ALCAM: variants seen among roughly 807,000 people sequenced by gnomAD.
ALCAM encodes the protein activated leukocyte cell adhesion molecule.
ALCAM carries 30 observed loss-of-function variants against 70.9 expected under a neutral mutation model. That is an observed-to-expected ratio of 0.42 (90% CI 0.32 to 0.57). The LOEUF (loss-of-function observed/expected upper bound fraction) is 0.57. Ranked by LOEUF, ALCAM falls within the 20% of genes least tolerant of loss-of-function variation. ALCAM has a pLI of 0.11. For synonymous variants in ALCAM, 249 were observed against 242.5 expected, an observed-to-expected ratio of 1.03 and a Z score of -0.25; for missense variants, 591 against 695.1, an observed-to-expected ratio of 0.85 and a Z score of 1.68.
chr3:105,538,010 C>T lies in ALCAM; in HGVS notation c.731-1965C>T, dbSNP rs977630175. Among the ~76,000 whole-genome samples the T allele has an allele frequency of 2.6e-5, 4 of 152,028 alleles. 1 individual carries two copies. The highest frequency in any genetic ancestry group is 2.6e-4 in the Admixed American group (4 of 15,252). ...GACTCTCACTTGAGCTGGGTTCAAG[C>T]CAAATTGTGGATACCAGGCTAAGGA... On this transcript the variant is annotated intron_variant, in intron 6 of 15. Coordinates refer to ENST00000306107, the MANE Select transcript of ALCAM (RefSeq NM_001627.4).
Position 105,411,887 on chromosome 3 carries a change from TA to T in ALCAM, c.73+44408del, listed in dbSNP as rs1936398406. ...CTAGAAAAGAAGTATAACCTAAAAT[TA>T]AGGAGGAGAATATTTTTATTCTAAA... On this transcript the variant is annotated intron_variant, in intron 1 of 15. Coordinates refer to ENST00000306107, the MANE Select transcript of ALCAM (RefSeq NM_001627.4). Among the ~76,000 whole-genome samples, 3 of 151,882 alleles carry T rather than the reference TA, an allele frequency of 2.0e-5. No homozygotes were observed. In the South Asian group the frequency reaches 6.2e-4, roughly 32 times the overall value.
chr3:105,510,074 G>A (rs1334554970), intron 1 of ALCAM, among the ~76,000 whole-genome samples: 1 of 151,970 alleles, frequency 6.6e-6, no homozygotes, highest in African/African-American at 2.4e-5. Flanking sequence ...AAAAGCAGAT[G>A]TCAAAATGGA....
At position 105,524,354 on chromosome 3, in the gene ALCAM, C is replaced by T. The variant is rs775077113; in HGVS notation, c.240C>T (p.Tyr80=). The T allele has an allele frequency of 1.6e-5, 26 of 1,613,976 alleles. No individual in the cohort carries two copies. In the South Asian group the frequency reaches 1.8e-4, roughly 11 times the overall value. The change falls in exon 3 of 16, where the codon TAC becomes TAT. Residue 80 remains tyrosine (Y), a synonymous_variant. Coordinates refer to ENST00000306107, the MANE Select transcript of ALCAM (RefSeq NM_001627.4). ...CCTCTACAAAGAAAAGTGTGCAGTA[C>T]GACGATGTACCAGAATACAAAGACA... ...FRSSTKKSVQ[Y]DDVPEYKDRL... is the part of the protein sequence containing the mutation.
intron 1 of ALCAM, among the ~76,000 whole-genome samples, chr3:105,420,138 G>T (rs1002841931): frequency 1.3e-5 from 2 of 151,682 alleles, no homozygotes; most frequent in South Asian, 2.1e-4. Flanking sequence ...TTTCTAAAAG[G>T]TAGTATTTCA....
At chr3:105,435,799 GT>G (rs914679842) in intron 1 of ALCAM, among the ~76,000 whole-genome samples, 3 of 150,246 alleles carry the variant, frequency 2.0e-5, no homozygotes, top group South Asian at 2.1e-4. Flanking sequence ...TTGTTTGTTT[GT>G]TTTTTTTTGA....
At chr3:105,420,028 G>A (rs1051293657) in intron 1 of ALCAM, among the ~76,000 whole-genome samples, 1 of 151,464 alleles carries the variant, frequency 6.6e-6, no homozygotes, top group African/African-American at 2.4e-5. Context: ...ATATATACAA[G>A]CACAAATAAA....
At chr3:105,432,405 A>G (rs1039729727) in intron 1 of ALCAM, among the ~76,000 whole-genome samples, 1 of 152,142 alleles carries the variant, frequency 6.6e-6, no homozygotes, top group Non-Finnish European at 1.5e-5. Context: ...TGGAAGAAGC[A>G]GTTTCTATTA....
At chr3:105,539,447 T>C (rs1255519500) in intron 6 of ALCAM, among the ~76,000 whole-genome samples, 1 of 152,102 alleles carries the variant, frequency 6.6e-6, no homozygotes, top group Non-Finnish European at 1.5e-5. Context: ...CCTCAGTTCA[T>C]AGGATTCATC....
chr3:105,521,394 T>G (rs866281207), intron 2 of ALCAM, among the ~76,000 whole-genome samples: 1 of 150,264 alleles, frequency 6.7e-6, no homozygotes, highest in South Asian at 2.1e-4. Flanking sequence ...TGTCTGAGGG[T>G]CATAGTTTGA....
At chr3:105,398,175 G>A (rs761038341) in intron 1 of ALCAM, among the ~76,000 whole-genome samples, 52 of 152,228 alleles carry the variant, frequency 3.4e-4, no homozygotes, top group Middle Eastern at 3.4e-3. Context: ...GATGTTGCCA[G>A]TCCTGGGACC....
chr3:105,390,840 A>C lies in ALCAM; in HGVS notation c.73+23359A>C, dbSNP rs917831976. ...CTAGCCAGTTTTCCCAGCACCATTT[A>C]TTAAATAAGGAATCCTTTCCTCATT... On this transcript the variant is annotated intron_variant, in intron 1 of 15. Transcript: ENST00000306107. Among the ~76,000 whole-genome samples, 3 of 152,224 alleles carry C rather than the reference A, an allele frequency of 2.0e-5. No individual in the cohort carries two copies. In the East Asian group the frequency reaches 5.8e-4, roughly 29 times the overall value.
At chr3:105,573,526 A>C (rs543743918) in intron 15 of ALCAM, among the ~76,000 whole-genome samples, 9 of 152,192 alleles carry the variant, frequency 5.9e-5, no homozygotes, top group African/African-American at 9.6e-5. Context: ...ATCTATATGC[A>C]CATATGTAGA....
intron 1 of ALCAM, among the ~76,000 whole-genome samples, chr3:105,444,077 G>A (rs1031406551): frequency 6.6e-6 from 1 of 152,162 alleles, no homozygotes; most frequent in Admixed American, 6.5e-5. Flanking sequence ...CCATCATAGA[G>A]CAAGAAATGC....
intron 1 of ALCAM, among the ~76,000 whole-genome samples, chr3:105,371,547 C>T (rs1461254795): frequency 8.8e-5 from 13 of 147,882 alleles, no homozygotes; most frequent in Admixed American, 3.4e-4. Flanking sequence ...TCTTTTTCTC[C>T]GTCAAATTTT....
intron 14 of ALCAM, among the ~76,000 whole-genome samples, chr3:105,559,110 G>A (rs943187627): frequency 4.7e-5 from 7 of 150,004 alleles, no homozygotes; most frequent in Admixed American, 2.7e-4. Context: ...CACCGATGAG[G>A]AAAATTTAAA....
At chr3:105,560,445 A>C (rs1326655927) in intron 14 of ALCAM, among the ~76,000 whole-genome samples, 1 of 152,164 alleles carries the variant, frequency 6.6e-6, no homozygotes, top group Non-Finnish European at 1.5e-5. Flanking sequence ...ATCCTTTGAC[A>C]TATATAGATA....
intron 1 of ALCAM, among the ~76,000 whole-genome samples, chr3:105,495,359 CT>C (rs1476711531): frequency 6.6e-6 from 1 of 152,032 alleles, no homozygotes; most frequent in Non-Finnish European, 1.5e-5. Flanking sequence ...TTGATAAAAA[CT>C]GCAGTACCAG....
At chr3:105,511,423 ATC>A (rs902028095) in intron 1 of ALCAM, among the ~76,000 whole-genome samples, 3 of 152,040 alleles carry the variant, frequency 2.0e-5, no homozygotes, top group African/African-American at 7.2e-5. Flanking sequence ...CAAACATTCC[ATC>A]TCTCCTTTCT....
intron 1 of ALCAM, among the ~76,000 whole-genome samples, chr3:105,410,442 T>A (rs145976869): frequency 4.2e-4 from 64 of 152,164 alleles, no homozygotes; most frequent in Middle Eastern, 3.4e-3. Flanking sequence ...CATGTACGTG[T>A]GTATGTTTGA....
Sources: gnomAD v4.1 joint callset for allele counts (sites outside exome capture counted in the v4.1 genomes callset) on GRCh38, gnomAD v4.1.1 for gene constraint, MANE v1.5 for transcripts, NCBI Gene and HGNC (gene_info 2026-07-23, HGNC 2026-07-21) for gene names.